The following SPAG17 variants were observed in gnomAD, a reference collection of about 807,000 sequenced individuals.
SPAG17 encodes the protein sperm associated antigen 17.
Under a neutral mutation model 273.6 loss-of-function variants are expected in SPAG17, and 169 were observed. The observed-to-expected ratio is 0.62, with a 90% CI of 0.55 to 0.70. The LOEUF is 0.70. Ranked by LOEUF, SPAG17 falls within the 30% of genes least tolerant of loss-of-function variation. SPAG17 has a pLI of 0.00. For synonymous variants in SPAG17, 825 were observed against 873.2 expected (o/e 0.94, Z 0.97); for missense variants, 2,557 against 2,627.8 (o/e 0.97, Z 0.59).
At chr1:118,056,904 G>T (rs1651743059) in intron 18 of SPAG17, among the ~76,000 whole-genome samples, 2 of 151,962 alleles carry the variant, frequency 1.3e-5, no homozygotes, top group Non-Finnish European at 2.9e-5. Context: ...TTAGTTGATG[G>T]CAAGTCTACA....
At chr1:118,011,835 CT>C (rs1659499359) in intron 30 of SPAG17, among the ~76,000 whole-genome samples, 1 of 151,934 alleles carries the variant, frequency 6.6e-6, no homozygotes. Context: ...AAAAAAATTT[CT>C]AAGAAAGTAG....
At position 117,963,160 on chromosome 1, in the gene SPAG17, C is replaced by T. The variant is rs554198601; in HGVS notation, c.*639G>A. On this transcript the variant is annotated intron_variant, in intron 48 of 48. Transcript: ENST00000336338. ...ACTGAGCCCAACTCTTACATAGGGC[C>T]TGGCAGTGTTGCCCTTGTGTATCCC... The T allele has an allele frequency of 1.7e-3, 259 of 152,292 alleles. 1 individual carries two copies. The highest frequency in any genetic ancestry group is 6.1e-3 in the African/African-American group (254 of 41,540). 9.4% of individuals were successfully genotyped at this position (152,292 alleles called of 1,614,324 possible).
At chr1:118,153,187 TAAAAG>T (rs758206529) in intron 1 of SPAG17, among the ~76,000 whole-genome samples, 21 of 152,120 alleles carry the variant, frequency 1.4e-4, no homozygotes, top group East Asian at 5.8e-4. Flanking sequence ...GACCAGAAAA[TAAAAG>T]AAGAGAGGAG....
chr1:117,988,094 GA>G lies in SPAG17; in HGVS notation c.5621+10del, dbSNP rs753221002. 2 of 1,585,914 alleles carry G rather than the reference GA, an allele frequency of 1.3e-6. No homozygotes were observed. Among genetic ancestry groups the G allele is most frequent in the South Asian group, 2.3e-5 (2 of 85,214 alleles). On this transcript the variant is annotated intron_variant, in intron 39 of 48. Transcript: ENST00000336338. ...TAATACTAATTAGAACACATTATTG[GA>G]TTAGCTTACCTCCATGTCTTTTCAA...
At chr1:117,980,573 TG>T (rs1387878792) in intron 43 of SPAG17, among the ~76,000 whole-genome samples, 1 of 152,168 alleles carries the variant, frequency 6.6e-6, no homozygotes, top group African/African-American at 2.4e-5. Flanking sequence ...GCAAAATACT[TG>T]CTCTATAAGA....
At position 118,148,357 on chromosome 1, in the gene SPAG17, G is replaced by A. The variant is rs567263070; in HGVS notation, c.315+2186C>T. On this transcript the variant is annotated intron_variant, in intron 3 of 48. Coordinates refer to ENST00000336338, the MANE Select transcript of SPAG17 (RefSeq NM_206996.4). ...AACAGCAAGAGTTGTCACAAAGAGC[G>A]AAAAAACAAATCCTCCACACTCGGC... Among the ~76,000 whole-genome samples the A allele has an allele frequency of 1.2e-4, 18 of 152,236 alleles. No individual in the cohort carries two copies. In the East Asian group the frequency reaches 1.4e-3, roughly 11 times the overall value.
chr1:118,071,400 G>A (rs894623851), intron 17 of SPAG17, among the ~76,000 whole-genome samples: 6 of 151,896 alleles, frequency 4.0e-5, no homozygotes, highest in Non-Finnish European at 7.4e-5. Flanking sequence ...CTGTAATGCC[G>A]GCACTTTGGG....
chr1:118,180,534 G>C (rs1660892293), intron 1 of SPAG17, among the ~76,000 whole-genome samples: 1 of 152,142 alleles, frequency 6.6e-6, no homozygotes, highest in Non-Finnish European at 1.5e-5. Flanking sequence ...GATCAGTAGA[G>C]TGACTATAAT....
chr1:118,148,064 CA>C (rs909902227), intron 3 of SPAG17, among the ~76,000 whole-genome samples: 1 of 152,140 alleles, frequency 6.6e-6, no homozygotes, highest in African/African-American at 2.4e-5. Context: ...TCCTTATCTC[CA>C]AAATGGAGGT....
chr1:117,963,972 A>C, intron 47 of SPAG17, 34 bp from the exon 48 acceptor site: 1 of 1,589,808 alleles, frequency 6.3e-7, no homozygotes, highest in African/African-American at 1.4e-5. Flanking sequence ...GCTTTTCATG[A>C]CTAAATTATT....
At chr1:117,964,037 C>T in intron 47 of SPAG17, 99 bp from the exon 48 acceptor site, 1 of 1,376,788 alleles carries the variant, frequency 7.3e-7, no homozygotes, top group Non-Finnish European at 9.9e-7. Flanking sequence ...TCTCTGGCAA[C>T]ATCAGTTCAA....
chr1:118,022,170 T>G (rs1430935575), intron 28 of SPAG17, among the ~76,000 whole-genome samples: 1 of 152,156 alleles, frequency 6.6e-6, no homozygotes, highest in Admixed American at 6.6e-5. Context: ...AAATCTCAGC[T>G]CTACCACTTG....
chr1:117,982,835 T>C (rs1281978899), intron 42 of SPAG17, among the ~76,000 whole-genome samples: 1 of 152,160 alleles, frequency 6.6e-6, no homozygotes, highest in Non-Finnish European at 1.5e-5. Flanking sequence ...TTTAGTCTGT[T>C]TTAGTTTAGA....
intron 3 of SPAG17, among the ~76,000 whole-genome samples, chr1:118,128,138 A>G (rs1206575060): frequency 6.6e-6 from 1 of 152,098 alleles, no homozygotes; most frequent in Non-Finnish European, 1.5e-5. Flanking sequence ...AAAAAAAAAA[A>G]AGATTCCTAG....
intron 20 of SPAG17, among the ~76,000 whole-genome samples, chr1:118,045,126 C>G (rs1383552994): frequency 1.3e-5 from 2 of 152,120 alleles, no homozygotes; most frequent in Non-Finnish European, 2.9e-5. Context: ...TAATAAGAAA[C>G]AGATATTTGG....
At chr1:118,170,754 C>A (rs928266905) in intron 1 of SPAG17, among the ~76,000 whole-genome samples, 5 of 152,078 alleles carry the variant, frequency 3.3e-5, no homozygotes, top group African/African-American at 1.2e-4. Flanking sequence ...ATCTGTCTTA[C>A]CCAAAGTGGA....
intron 3 of SPAG17, among the ~76,000 whole-genome samples, chr1:118,126,382 AT>A (rs1290741523): frequency 1.9e-3 from 256 of 135,816 alleles, no homozygotes; most frequent in Middle Eastern, 7.4e-3. Flanking sequence ...ATTTTTTTGT[AT>A]TTTTTTTTTT....
intron 18 of SPAG17, among the ~76,000 whole-genome samples, chr1:118,056,438 C>T (rs1177947545): frequency 6.6e-6 from 1 of 152,190 alleles, no homozygotes; most frequent in Non-Finnish European, 1.5e-5. Flanking sequence ...AAATACTATT[C>T]TCTAACTGCT....
intron 1 of SPAG17, among the ~76,000 whole-genome samples, chr1:118,169,146 T>C (rs1660304716): frequency 6.6e-6 from 1 of 152,222 alleles, no homozygotes; most frequent in Non-Finnish European, 1.5e-5. Flanking sequence ...TTAATATTTT[T>C]CACTTGCAAT....
Sources: gnomAD v4.1 joint callset for allele counts (sites outside exome capture counted in the v4.1 genomes callset) on GRCh38, gnomAD v4.1.1 for gene constraint, MANE v1.5 for transcripts, NCBI Gene and HGNC (gene_info 2026-07-23, HGNC 2026-07-21) for gene names.